Variants in OGFOD1 observed in about 807,000 individuals in gnomAD.
OGFOD1 encodes the protein prolyl 3-hydroxylase OGFOD1.
Under a neutral mutation model 67.7 loss-of-function variants are expected in OGFOD1, and 54 were observed. The observed-to-expected ratio is 0.80, with a 90% CI of 0.64 to 1.00. OGFOD1 has a LOEUF of 1.00. Among genes scored for constraint, OGFOD1 ranks in the 50% least tolerant of loss-of-function variants. OGFOD1 has a pLI of 0.00. For synonymous variants in OGFOD1, 221 were observed against 227.0 expected (o/e 0.97, Z 0.24); for missense variants, 606 against 646.7 (o/e 0.94, Z 0.68).
rs1260904844 is a variant in OGFOD1, at chr16:56,475,502, G to T, written c.1409-5G>T. On this transcript the variant is annotated splice_region_variant and splice_polypyrimidine_tract_variant and intron_variant, in intron 11 of 12. Coordinates refer to ENST00000566157, the MANE Select transcript of OGFOD1 (RefSeq NM_018233.4). ...TCTGAATGCTGTTTGTTTTTCTCTT[G>T]TAAGGCTGGGAGCCAGAATATGGCG... is the stretch of plus-strand genomic sequence containing the variant. 1.9e-6 allele frequency: 3 copies of T among 1,613,790 alleles called. No individual in the cohort carries two copies. In the African/African-American group the frequency reaches 4.0e-5, roughly 22 times the overall value.
intron 2 of OGFOD1, chr16:56,458,285 T>C (rs553010212): frequency 2.2e-6 from 1 of 444,950 alleles, no homozygotes; most frequent in East Asian, 4.3e-5. Context: ...TTGTGTCTGT[T>C]GTCTATCTCC....
rs189113964 is a variant in OGFOD1, at chr16:56,477,537, A to G, written c.*1332A>G. The stretch of plus-strand genomic sequence containing the variant: ...TCCTAAATACTGTAGGGTCAACTAT[A>G]TAACTAATTGCTTTTTATTTTAAGA... On this transcript the variant is annotated 3_prime_UTR_variant, in exon 13 of 13. Coordinates refer to ENST00000566157, the MANE Select transcript of OGFOD1 (RefSeq NM_018233.4). 3.9e-5 allele frequency: 6 copies of G among 152,338 alleles called. No homozygotes were observed. Among genetic ancestry groups the G allele is most frequent in the Admixed American group, 3.9e-4 (6 of 15,302 alleles). 9.4% of individuals were successfully genotyped at this position (152,338 alleles called of 1,614,324 possible). A position where few individuals can be genotyped will look rare whatever the true frequency, so the allele number is the denominator to read the frequency against.
chr16:56,465,296 G>T (rs964536487), intron 4 of OGFOD1, among the ~76,000 whole-genome samples: 1 of 152,048 alleles, frequency 6.6e-6, no homozygotes, highest in African/African-American at 2.4e-5. Flanking sequence ...CACCGTGCCC[G>T]GCCTGTATTT....
rs1963537084 is a variant in OGFOD1, at chr16:56,477,546, T to G, written c.*1341T>G. 1.3e-5 allele frequency: 2 copies of G among 152,228 alleles called. No homozygotes were observed. Among genetic ancestry groups the G allele is most frequent in the African/African-American group, 4.8e-5 (2 of 41,452 alleles). The allele number at this position is 152,228 out of a possible 1,614,324, so 9.4% of individuals were successfully genotyped here. On this transcript the variant is annotated 3_prime_UTR_variant, in exon 13 of 13. Transcript: ENST00000566157. ...CTGTAGGGTCAACTATATAACTAATTGCTTTTTATTTTAAGAGACGGAATG... is the reference window on the plus strand; with the variant it reads ...CTGTAGGGTCAACTATATAACTAATGGCTTTTTATTTTAAGAGACGGAATG...
intron 4 of OGFOD1, among the ~76,000 whole-genome samples, chr16:56,463,911 G>C (rs1443909008): frequency 6.6e-6 from 1 of 152,072 alleles, no homozygotes; most frequent in Non-Finnish European, 1.5e-5. Context: ...TCAGAATCAG[G>C]AAATTTACGT....
chr16:56,464,249 AGGT>A (rs1962821633), intron 4 of OGFOD1, among the ~76,000 whole-genome samples: 1 of 152,222 alleles, frequency 6.6e-6, no homozygotes, highest in Admixed American at 6.5e-5. Context: ...TCACTGTATC[AGGT>A]GGTGCATGGT....
intron 4 of OGFOD1, among the ~76,000 whole-genome samples, chr16:56,463,038 C>T (rs1205008674): frequency 1.3e-5 from 2 of 152,088 alleles, no homozygotes; most frequent in African/African-American, 4.8e-5. Context: ...GAAAAAAAAT[C>T]AAACAATATT....
Position 56,470,685 on chromosome 16 carries a change from C to T in OGFOD1, c.1179C>T (p.Ser393=). 1 of 1,613,754 alleles carries T rather than the reference C, an allele frequency of 6.2e-7. No homozygotes were observed. Among genetic ancestry groups the T allele is most frequent in the African/African-American group, 1.3e-5 (1 of 75,040 alleles). Reference sequence around the variant, plus strand: ...CTGATATCACTGAAGAAGGGACTAGCCATAGTCCTCCTGAGCCAGAGAATA... The same window carrying T: ...CTGATATCACTGAAGAAGGGACTAGTCATAGTCCTCCTGAGCCAGAGAATA... The part of the protein sequence containing the change: ...ETTDITEEGT[S]HSPPEPENNQ... The change falls in exon 10 of 13, where the codon AGC becomes AGT. Residue 393 remains serine, a synonymous_variant. Transcript: ENST00000566157.
chr16:56,466,679 T>C (rs552309601), intron 5 of OGFOD1, among the ~76,000 whole-genome samples, 197 bp from the exon 6 acceptor site: 1 of 152,212 alleles, frequency 6.6e-6, no homozygotes, highest in South Asian at 2.1e-4. Context: ...TTCTCAATAA[T>C]AGATGGATGG....
intron 4 of OGFOD1, among the ~76,000 whole-genome samples, chr16:56,465,276 A>T (rs1159681390): frequency 2.6e-5 from 4 of 152,198 alleles, no homozygotes; most frequent in Non-Finnish European, 5.9e-5. Flanking sequence ...CTGGGATTAC[A>T]GGCGTGAGCC....
intron 2 of OGFOD1, among the ~76,000 whole-genome samples, chr16:56,457,730 G>C: frequency 6.6e-6 from 1 of 151,950 alleles, no homozygotes. Context: ...GCCCAGGCTG[G>C]AGTGCAATGG....
rs1596977891 is a variant in OGFOD1 at position 56,467,370 on chromosome 16, T to C, written c.786+77T>C. On this transcript the variant is annotated intron_variant, in intron 7 of 12. Coordinates refer to ENST00000566157, the MANE Select transcript of OGFOD1 (RefSeq NM_018233.4). The stretch of plus-strand genomic sequence containing the variant: ...TTTCTCTGATTTTAAAATTAGCTGT[T>C]CCATTTAATGAAACTGGACCTTGAG... The C allele has an allele frequency of 1.9e-5, 29 of 1,517,432 alleles. No individual in the cohort carries two copies. The East Asian group carries it at 6.5e-4, about 34-fold the overall frequency. The allele number at this position is 1,517,432 out of a possible 1,614,324, so 94.0% of individuals were successfully genotyped here. A position where few individuals can be genotyped will look rare whatever the true frequency, so the allele number is the denominator to read the frequency against.
intron 3 of OGFOD1, among the ~76,000 whole-genome samples, chr16:56,459,988 T>A (rs1279121973): frequency 6.6e-6 from 1 of 152,238 alleles, no homozygotes; most frequent in Non-Finnish European, 1.5e-5. Flanking sequence ...ATAAATTATT[T>A]ATTCTCATTA....
chr16:56,463,932 T>A (rs1596973961), intron 4 of OGFOD1, among the ~76,000 whole-genome samples: 1 of 152,158 alleles, frequency 6.6e-6, no homozygotes, highest in East Asian at 1.9e-4. Flanking sequence ...TGATGCCTTA[T>A]TCCACATCAA....
At position 56,454,127 on chromosome 16, in the gene OGFOD1, C is replaced by T. The variant is rs533662841; in HGVS notation, c.300+719C>T. Among the ~76,000 whole-genome samples the T allele has an allele frequency of 1.4e-4, 21 of 152,214 alleles. No individual in the cohort carries two copies. In the South Asian group the frequency reaches 3.3e-3, roughly 24 times the overall value. ...CTTTGGGAGGCCAAGGCGGGTAGAT[C>T]GCCTGAGGTCAGGAGTTCGAGACCA... On this transcript the variant is annotated intron_variant, in intron 2 of 12. Coordinates refer to ENST00000566157, the MANE Select transcript of OGFOD1 (RefSeq NM_018233.4).
chr16:56,457,396 A>G (rs78695266), intron 2 of OGFOD1, among the ~76,000 whole-genome samples: 4,242 of 152,316 alleles, frequency 0.028, 143 homozygotes, highest in East Asian at 0.12. Context: ...GGGAGGAGAG[A>G]AGAGGGAATG....
At chr16:56,465,536 C>G (rs1962866443) in intron 4 of OGFOD1, 1 of 152,422 alleles carries the variant, frequency 6.6e-6, no homozygotes, top group South Asian at 2.1e-4. Flanking sequence ...CCCTCCCTCT[C>G]AGCCTGCACA....
chr16:56,459,767 T>A (rs1260428940), intron 3 of OGFOD1, among the ~76,000 whole-genome samples: 9 of 152,208 alleles, frequency 5.9e-5, no homozygotes, highest in Admixed American at 5.9e-4. Flanking sequence ...TGGATTCACA[T>A]CACGTGATCT....
intron 1 of OGFOD1, 142 bp from the exon 2 acceptor site, chr16:56,453,121 A>C: frequency 1.3e-6 from 1 of 783,932 alleles, no homozygotes; most frequent in South Asian, 2.0e-5. Flanking sequence ...AGAGCTTATC[A>C]TTTTTTCCCC....
Sources: gnomAD v4.1 joint callset for allele counts (sites outside exome capture counted in the v4.1 genomes callset) on GRCh38, gnomAD v4.1.1 for gene constraint, MANE v1.5 for transcripts, NCBI Gene and HGNC (gene_info 2026-07-23, HGNC 2026-07-21) for gene names.